Variants in GTF3C1 observed in about 807,000 individuals in gnomAD.
GTF3C1 encodes the protein general transcription factor IIIC subunit 1.
Under a neutral mutation model 226.7 loss-of-function variants are expected in GTF3C1, and 57 were observed. The ratio of observed to expected loss-of-function variants is 0.25; its 90% CI spans 0.20 to 0.31. GTF3C1 has a LOEUF of 0.31. Among genes scored for constraint, GTF3C1 ranks in the 10% least tolerant of loss-of-function variants. The pLI is 1.00. For synonymous variants in GTF3C1, 1,090 were observed against 1,084.8 expected, an observed-to-expected ratio of 1.00 and a Z score of -0.09; for missense variants, 2,217 against 2,776.1, an observed-to-expected ratio of 0.80 and a Z score of 4.53.
At chr16:27,511,927 A>G (rs1223708791) in intron 6 of GTF3C1, 26 bp from the exon 7 acceptor site, 1 of 1,612,886 alleles carries the variant, frequency 6.2e-7, no homozygotes, top group South Asian at 1.1e-5. Flanking sequence ...CGGGTTTGCC[A>G]GCAATGAGTG....
chr16:27,488,458 G>A, intron 22 of GTF3C1, 43 bp from the exon 23 acceptor site: 1 of 1,564,168 alleles, frequency 6.4e-7, no homozygotes, highest in Non-Finnish European at 8.8e-7. Flanking sequence ...GACGAGTGCT[G>A]CAAAGGCCAG....
In GTF3C1 at chr16:27,469,701, T is replaced by G; in HGVS notation, c.4815-151A>C. Reference sequence around the variant, plus strand: ...CATTACCAAGGCTGGTGTGGATGGCTGCCCCAGATCCATCCCCTTTCCCAC... The same window carrying G: ...CATTACCAAGGCTGGTGTGGATGGCGGCCCCAGATCCATCCCCTTTCCCAC... On this transcript the variant is annotated intron_variant, in intron 31 of 36. Transcript: ENST00000356183. This position sits in a 1 kb window ranked among gnomAD's most constrained non-coding sequence, Gnocchi z 4.5. 1.2e-6 allele frequency: 1 copy of G among 831,580 alleles called. No individual in the cohort carries two copies. The highest frequency in any genetic ancestry group is 1.7e-5 in the South Asian group (1 of 60,144). The allele number at this position is 831,580 out of a possible 1,614,324, so 51.5% of individuals were successfully genotyped here.
rs780956738 is a variant in GTF3C1 at position 27,463,553 on chromosome 16, G to C, written c.5912C>G (p.Ala1971Gly). ...ACCCCACACCCACCTTTCCCGTGCT[G>C]CCTGGGAGATGTTGGCAGCTCCGAA... is the stretch of plus-strand genomic sequence containing the variant. The part of the protein sequence containing the change: ...ESFGAANISQ[A>G]ARERDCESVC... Residue 1971 changes from alanine (A) to glycine (G), a missense_variant, in exon 35 of 37, where the codon GCA (alanine) becomes GGA (glycine). By Grantham distance (60) the Ala-to-Gly change is moderately conservative. This residue lies in a region of GTF3C1 where 153 missense variants were observed against 199.8 expected (regional missense o/e 0.77). Transcript: ENST00000356183. The surrounding 1 kb of genome is among the most constrained non-coding windows in gnomAD (Gnocchi z 4.9). 1 of 1,597,934 alleles carries C rather than the reference G, an allele frequency of 6.3e-7. No homozygotes were observed. The highest frequency in any genetic ancestry group is 1.3e-5 in the African/African-American group (1 of 74,606).
intron 16 of GTF3C1, among the ~76,000 whole-genome samples, chr16:27,494,413 C>CAA (rs71137798): frequency 1.7e-5 from 2 of 115,530 alleles, no homozygotes; most frequent in African/African-American, 3.3e-5. Flanking sequence ...AAAAAAAAAA[C>CAA]AAAAAAAAAA....
At position 27,470,101 on chromosome 16, in the gene GTF3C1, C is replaced by G; in HGVS notation, c.4814+7G>C. The G allele has an allele frequency of 1.2e-6, 2 of 1,610,502 alleles. No homozygotes were observed. The highest frequency in any genetic ancestry group is 1.7e-6 in the Non-Finnish European group (2 of 1,177,404). On this transcript the variant is annotated splice_region_variant and intron_variant, in intron 31 of 36. Coordinates refer to ENST00000356183, the MANE Select transcript of GTF3C1 (RefSeq NM_001520.4). This position sits in a 1 kb window ranked among gnomAD's most constrained non-coding sequence, Gnocchi z 4.9. ...CAGACCTGATGCTGCGGATGCCGGA[C>G]TCTTACCTTTTGATGACCTCATTCT...
In GTF3C1 at chr16:27,547,781, C is replaced by T. The variant is rs192662542; in HGVS notation, c.221+1889G>A. On this transcript the variant is annotated intron_variant, in intron 1 of 36. Coordinates refer to ENST00000356183, the MANE Select transcript of GTF3C1 (RefSeq NM_001520.4). Reference sequence around the variant, plus strand: ...CTGGGATTTCAGGCGTCTACCACCACGCCCAGCTAATTTTTGTATTTTTAG... The same window carrying T: ...CTGGGATTTCAGGCGTCTACCACCATGCCCAGCTAATTTTTGTATTTTTAG... 5.4e-3 allele frequency among the ~76,000 whole-genome samples: 819 copies of T among 152,158 alleles called. 4 individuals carry two copies. Among genetic ancestry groups the T allele is most frequent in the African/African-American group, 0.019 (788 of 41,488 alleles).
chr16:27,465,428 C>G lies in GTF3C1; in HGVS notation c.5187G>C (p.Leu1729=). Reference sequence around the variant, plus strand: ...CTTCGGGACTATACCCAGACAGCTCCAGCTGGAGGACAAACTCCTCCAAGC... The same window carrying G: ...CTTCGGGACTATACCCAGACAGCTCGAGCTGGAGGACAAACTCCTCCAAGC... ...TCSLEEFVLQ[L]ELSGYSPEDL... The change falls in exon 33 of 37, where the codon CTG becomes CTC. Residue 1729 remains leucine (L), a synonymous_variant. Transcript: ENST00000356183. The G allele has an allele frequency of 6.2e-7, 1 of 1,613,860 alleles. No homozygotes were observed. Among genetic ancestry groups the G allele is most frequent in the East Asian group, 2.2e-5 (1 of 44,884 alleles).
rs1190536238 is a variant in GTF3C1, at chr16:27,549,792, C to T, written c.99G>A (p.Pro33=). The T allele has an allele frequency of 6.2e-7, 1 of 1,612,736 alleles. No individual in the cohort carries two copies. The highest frequency in any genetic ancestry group is 8.5e-7 in the Non-Finnish European group (1 of 1,179,778). The change falls in exon 1 of 37, where the codon CCG becomes CCA. Residue 33 remains proline, a synonymous_variant. Transcript: ENST00000356183. ...ALWSRLETRV[P]PFPLPLEPCT... Reference sequence around the variant, plus strand: ...AGGGTTCCAAAGGCAGCGGGAAGGGCGGCACTCGCGTCTCCAGCCGGCTCC... The same window carrying T: ...AGGGTTCCAAAGGCAGCGGGAAGGGTGGCACTCGCGTCTCCAGCCGGCTCC...
Position 27,484,247 on chromosome 16 carries a change from T to C in GTF3C1, c.3965A>G (p.Tyr1322Cys), listed in dbSNP as rs541490786. The C allele has an allele frequency of 1.2e-6, 2 of 1,608,790 alleles. No homozygotes were observed. Among genetic ancestry groups the C allele is most frequent in the South Asian group, 1.1e-5 (1 of 90,950 alleles). Residue 1322 changes from tyrosine (Y) to cysteine (C), a missense_variant, in exon 25 of 37, where the codon TAC becomes TGC. Physicochemically the swap from Tyr to Cys is radical, Grantham distance 194. Transcript: ENST00000356183. ...ATAGGCCTGTGGGTTTTTGACTATG[T>C]AGCGAGCTCTTCGTCCAACGGAATG... is the stretch of plus-strand genomic sequence containing the variant. ...TSHSVGRRAR[Y>C]IVKNPQAYLN...
Position 27,505,836 on chromosome 16 carries a change from A to G in GTF3C1, c.1770+63T>C, listed in dbSNP as rs945537987. ...CACTGTGATCATGTGATTCCTAAAC[A>G]CAGAAACGATGAGGCCACAGACTCC... On this transcript the variant is annotated intron_variant, in intron 10 of 36. Coordinates refer to ENST00000356183, the MANE Select transcript of GTF3C1 (RefSeq NM_001520.4). 4 of 936,044 alleles carry G rather than the reference A, an allele frequency of 4.3e-6. No individual in the cohort carries two copies. In the Admixed American group the frequency reaches 5.3e-5, roughly 13 times the overall value. 58.0% of individuals were successfully genotyped at this position (936,044 alleles called of 1,614,324 possible). A position where few individuals can be genotyped will look rare whatever the true frequency, so the allele number is the denominator to read the frequency against.
At chr16:27,467,600 TG>T (rs1281747696) in intron 32 of GTF3C1, among the ~76,000 whole-genome samples, 1 of 152,222 alleles carries the variant, frequency 6.6e-6, no homozygotes, top group Non-Finnish European at 1.5e-5. Context: ...CCGGACACAG[TG>T]GCTCACGCCT....
At chr16:27,522,657 C>G (rs2088767126) in intron 6 of GTF3C1, among the ~76,000 whole-genome samples, 1 of 152,226 alleles carries the variant, frequency 6.6e-6, no homozygotes, top group Non-Finnish European at 1.5e-5. Flanking sequence ...AGGATTCTCA[C>G]ACGGACTGTG....
chr16:27,546,958 G>A (rs1291522655), intron 1 of GTF3C1, among the ~76,000 whole-genome samples: 1 of 151,856 alleles, frequency 6.6e-6, no homozygotes, highest in African/African-American at 2.4e-5. Context: ...GTAGAGAGAG[G>A]GTTTCACGAT....
chr16:27,482,860 G>A (rs1412333411), intron 26 of GTF3C1, among the ~76,000 whole-genome samples, 184 bp downstream of exon 26: 7 of 152,222 alleles, frequency 4.6e-5, no homozygotes, highest in Non-Finnish European at 1.0e-4. Context: ...AAAAACAGGT[G>A]TTTGAAGCCA....
Position 27,501,186 on chromosome 16 carries a change from G to C in GTF3C1, c.2061+5C>G. Reference sequence around the variant, plus strand: ...GCTCTGGGCATCGGGGGAGGCCCTGGTTACCTTCTTCTTGATGCCATCTTG... The same window carrying C: ...GCTCTGGGCATCGGGGGAGGCCCTGCTTACCTTCTTCTTGATGCCATCTTG... On this transcript the variant is annotated splice_donor_5th_base_variant and intron_variant, in intron 12 of 36. Coordinates refer to ENST00000356183, the MANE Select transcript of GTF3C1 (RefSeq NM_001520.4). The C allele has an allele frequency of 1.2e-6, 2 of 1,609,660 alleles. No homozygotes were observed. Among genetic ancestry groups the C allele is most frequent in the Non-Finnish European group, 1.7e-6 (2 of 1,176,376 alleles).
chr16:27,541,248 G>C (rs2089077583), intron 2 of GTF3C1, among the ~76,000 whole-genome samples: 1 of 152,202 alleles, frequency 6.6e-6, no homozygotes, highest in Non-Finnish European at 1.5e-5. Context: ...CCTGCTCCTG[G>C]AGGTAAGAGG....
intron 4 of GTF3C1, among the ~76,000 whole-genome samples, chr16:27,535,860 A>C (rs1395302947): frequency 6.6e-6 from 1 of 152,098 alleles, no homozygotes; most frequent in Non-Finnish European, 1.5e-5. Context: ...AAAAAAAAAA[A>C]GGTGATCTCT....
At position 27,488,231 on chromosome 16, in the gene GTF3C1, C is replaced by T. The variant is rs939997963; in HGVS notation, c.3696G>A (p.Lys1232=). The T allele has an allele frequency of 6.2e-7, 1 of 1,613,522 alleles. No individual in the cohort carries two copies. The highest frequency in any genetic ancestry group is 8.5e-7 in the Non-Finnish European group (1 of 1,179,654). The change falls in exon 23 of 37, where the codon AAG becomes AAA. Residue 1232 remains lysine (K), a synonymous_variant. Coordinates refer to ENST00000356183, the MANE Select transcript of GTF3C1 (RefSeq NM_001520.4). ...KDPGKKIKRK[K]KGEFPGEKSK... is the part of the protein sequence containing the mutation. ...TGAAAATGATCACCACATAACCTTTCTTCTTTCTCTTGATCTTCTTCCCAG... is the reference window on the plus strand; with the variant it reads ...TGAAAATGATCACCACATAACCTTTTTTCTTTCTCTTGATCTTCTTCCCAG...
rs777726288 is a variant in GTF3C1 at position 27,462,514 on chromosome 16, C to T, written c.5925-28G>A. On this transcript the variant is annotated intron_variant, in intron 35 of 36. Transcript: ENST00000356183. The surrounding 1 kb of genome is among the most constrained non-coding windows in gnomAD (Gnocchi z 4.5). ...GCAGGGAGAGGGCTTGACATCAGGG[C>T]TTGGTGGGGGCAGGAGGGCAGCTCG... 6.3e-7 allele frequency: 1 copy of T among 1,581,878 alleles called. No individual in the cohort carries two copies. The highest frequency in any genetic ancestry group is 8.7e-7 in the Non-Finnish European group (1 of 1,152,344).
Sources: allele counts gnomAD v4.1 joint callset (sites outside exome capture counted in the v4.1 genomes callset), GRCh38; gene constraint gnomAD v4.1.1; regional missense constraint gnomAD v4.1.1; non-coding constraint Gnocchi (gnomAD v3.1); transcripts MANE v1.5; gene names NCBI Gene and HGNC (gene_info 2026-07-23, HGNC 2026-07-21).